GPR83: variants seen among roughly 807,000 people sequenced by gnomAD.
GPR83 encodes the protein G protein-coupled receptor 83, also known as G-protein coupled receptor 72.
Under a neutral mutation model 28.0 loss-of-function variants are expected in GPR83, and 23 were observed. That is an observed-to-expected ratio of 0.82 (90% CI 0.59 to 1.16). The LOEUF (loss-of-function observed/expected upper bound fraction) is 1.16. Ranked by LOEUF, GPR83 falls within the 50% of genes most tolerant of loss-of-function variation. GPR83 has a pLI of 0.00. For missense variants in GPR83, 610 were observed against 536.6 expected, an observed-to-expected ratio of 1.14 and a Z score of -1.35; for synonymous variants, 234 against 215.4, an observed-to-expected ratio of 1.09 and a Z score of -0.76.
At chr11:94,388,210 A>G (rs1016619816) in intron 3 of GPR83, among the ~76,000 whole-genome samples, 1 of 152,182 alleles carries the variant, frequency 6.6e-6, no homozygotes, top group African/African-American at 2.4e-5. Context: ...ACCCACAGCC[A>G]ATATCATTCT....
rs34496676 is a variant in GPR83 at position 94,400,546 on chromosome 11, C to CAAAA, written c.387+311_387+314dup. Among the ~76,000 whole-genome samples the CAAAA allele has an allele frequency of 5.2e-3, 608 of 117,202 alleles. 19 individuals carry two copies. Among genetic ancestry groups the CAAAA allele is most frequent in the African/African-American group, 0.019 (557 of 29,632 alleles). The allele number at this position is 117,202 out of a possible 152,430, so 76.9% of individuals were successfully genotyped here. Reference sequence around the variant, plus strand: ...ACAGATGAATAGGGAGGCTGAAAGACAAAAAAAAAAAAAAAGATGAGGACA... The same window carrying CAAAA: ...ACAGATGAATAGGGAGGCTGAAAGACAAAAAAAAAAAAAAAAAAAGATGAGGACA... On this transcript the variant is annotated intron_variant, in intron 1 of 3. Transcript: ENST00000243673.
chr11:94,389,296 A>C (rs1944791149), intron 3 of GPR83, among the ~76,000 whole-genome samples: 2 of 152,230 alleles, frequency 1.3e-5, no homozygotes, highest in South Asian at 4.1e-4. Flanking sequence ...ACCAAAAGCA[A>C]CGGCAACAAA....
intron 3 of GPR83, among the ~76,000 whole-genome samples, chr11:94,386,265 T>C (rs1423823304): frequency 6.6e-6 from 1 of 152,026 alleles, no homozygotes; most frequent in Admixed American, 6.6e-5. Flanking sequence ...TAAAGACCAT[T>C]GAGGCTAGGA....
At chr11:94,387,316 A>C (rs1944769583) in intron 3 of GPR83, among the ~76,000 whole-genome samples, 1 of 152,238 alleles carries the variant, frequency 6.6e-6, no homozygotes, top group Admixed American at 6.5e-5. Context: ...AAGGCAAGAA[A>C]TAACTAACAT....
At chr11:94,382,443 T>G (rs1019659470) in intron 3 of GPR83, among the ~76,000 whole-genome samples, 75 of 151,376 alleles carry the variant, frequency 5.0e-4, no homozygotes, top group African/African-American at 1.7e-3. Context: ...AGAAGGGCAT[T>G]ACATAATGGT....
At chr11:94,384,398 C>T (rs769261954) in intron 3 of GPR83, among the ~76,000 whole-genome samples, 19 of 152,176 alleles carry the variant, frequency 1.2e-4, no homozygotes, top group Non-Finnish European at 2.6e-4. Flanking sequence ...CTCCAGTCTA[C>T]AGCTCCCAGT....
intron 2 of GPR83, 100 bp downstream of exon 2, chr11:94,396,299 T>A (rs1378744945): frequency 9.0e-7 from 1 of 1,114,304 alleles, no homozygotes; most frequent in African/African-American, 1.5e-5. Context: ...AACACACTCA[T>A]TGAAAACTGG....
At position 94,380,045 on chromosome 11, in the gene GPR83, C is replaced by T; in HGVS notation, c.*104G>A. On this transcript the variant is annotated 3_prime_UTR_variant, in exon 4 of 4. Transcript: ENST00000243673. ...GAATTCAAGAGTCCTACAGCTTCTG[C>T]AGGAGTGTGTTTCCAGCACTCTGAA... 1.1e-6 allele frequency: 1 copy of T among 897,846 alleles called. No individual in the cohort carries two copies. The highest frequency in any genetic ancestry group is 1.6e-6 in the Non-Finnish European group (1 of 609,908). The allele number at this position is 897,846 out of a possible 1,614,324, so 55.6% of individuals were successfully genotyped here.
intron 3 of GPR83, among the ~76,000 whole-genome samples, chr11:94,381,243 C>G (rs1260462159): frequency 6.6e-6 from 1 of 152,066 alleles, no homozygotes; most frequent in Non-Finnish European, 1.5e-5. Context: ...ACTCATAGAA[C>G]AAGTATTTAT....
chr11:94,395,991 G>A (rs1310359595), intron 2 of GPR83, among the ~76,000 whole-genome samples: 4 of 152,174 alleles, frequency 2.6e-5, no homozygotes, highest in African/African-American at 4.8e-5. Context: ...AGGCTGAGGC[G>A]GGTGGATCAC....
intron 3 of GPR83, among the ~76,000 whole-genome samples, chr11:94,382,317 T>A (rs142242178): frequency 9.5e-4 from 112 of 118,112 alleles, no homozygotes; most frequent in African/African-American, 3.6e-3. Flanking sequence ...CACTCCAGCA[T>A]GGGCAACAAG....
intron 3 of GPR83, 41 bp from the exon 4 acceptor site, chr11:94,380,814 A>G (rs765386649): frequency 6.5e-7 from 1 of 1,544,702 alleles, no homozygotes; most frequent in Non-Finnish European, 8.7e-7. Context: ...GGTAACAGAA[A>G]GGAGATATTA....
intron 3 of GPR83, among the ~76,000 whole-genome samples, chr11:94,390,389 A>C (rs1944805536): frequency 6.6e-6 from 1 of 152,194 alleles, no homozygotes; most frequent in Non-Finnish European, 1.5e-5. Flanking sequence ...AAAAACTGGA[A>C]GCATTCCCTT....
At chr11:94,392,317 C>A (rs1427007067) in intron 3 of GPR83, among the ~76,000 whole-genome samples, 1 of 151,840 alleles carries the variant, frequency 6.6e-6, no homozygotes, top group African/African-American at 2.4e-5. Context: ...ACACTGGGTC[C>A]TGTCAGGAGG....
intron 3 of GPR83, among the ~76,000 whole-genome samples, chr11:94,384,159 T>C (rs1314688204): frequency 6.6e-6 from 1 of 152,078 alleles, no homozygotes; most frequent in Non-Finnish European, 1.5e-5. Flanking sequence ...GCTTCATCCC[T>C]GGGATGCAAG....
rs1315530462 is a variant in GPR83, at chr11:94,378,221, C to G, written c.*1928G>C. The G allele has an allele frequency of 6.6e-6, 1 of 152,134 alleles. No homozygotes were observed. Among genetic ancestry groups the G allele is most frequent in the African/African-American group, 2.4e-5 (1 of 41,420 alleles). The allele number at this position is 152,134 out of a possible 1,614,324, so 9.4% of individuals were successfully genotyped here. ...TTTCAACCATCTTCATAAATAGAAA[C>G]TAGGATAAAGAACCCTCATAGTTCA... On this transcript the variant is annotated 3_prime_UTR_variant, in exon 4 of 4. Coordinates refer to ENST00000243673, the MANE Select transcript of GPR83 (RefSeq NM_016540.4).
Position 94,393,529 on chromosome 11 carries a change from T to G in GPR83, c.603A>C (p.Ser201=), listed in dbSNP as rs1944837783. Residue 201 remains serine, a synonymous_variant, in exon 3 of 4, where the codon TCA becomes TCC. Coordinates refer to ENST00000243673, the MANE Select transcript of GPR83 (RefSeq NM_016540.4). ...AVIWTMATFF[S]LPHAICQKLF... is the part of the protein sequence containing the mutation. Reference sequence around the variant, plus strand: ...ATTTCTGGCAGATAGCATGTGGGAGTGAAAAGAACGTAGCCATGGTCCAGA... The same window carrying G: ...ATTTCTGGCAGATAGCATGTGGGAGGGAAAAGAACGTAGCCATGGTCCAGA... 2 of 1,613,724 alleles carry G rather than the reference T, an allele frequency of 1.2e-6. No individual in the cohort carries two copies. The highest frequency in any genetic ancestry group is 3.3e-5 in the Admixed American group (2 of 60,004).
intron 2 of GPR83, 73 bp from the exon 3 acceptor site, chr11:94,393,691 G>T: frequency 2.1e-6 from 3 of 1,428,264 alleles, no homozygotes; most frequent in South Asian, 2.4e-5. Flanking sequence ...TCAGGCGCAG[G>T]TGCTCACTCC....
rs947851425 is a variant in GPR83, at chr11:94,378,434, G to T, written c.*1715C>A. The T allele has an allele frequency of 1.3e-5, 2 of 152,178 alleles. No individual in the cohort carries two copies. The highest frequency in any genetic ancestry group is 4.8e-5 in the African/African-American group (2 of 41,436). The allele number at this position is 152,178 out of a possible 1,614,324, so 9.4% of individuals were successfully genotyped here. On this transcript the variant is annotated 3_prime_UTR_variant, in exon 4 of 4. Coordinates refer to ENST00000243673, the MANE Select transcript of GPR83 (RefSeq NM_016540.4). The stretch of plus-strand genomic sequence containing the variant: ...TGTCAGTAACAATTGTTTAGAGCAG[G>T]TGAATTAAGCTCGATTCTGCCTGAC...
Sources: gnomAD v4.1 joint callset for allele counts (sites outside exome capture counted in the v4.1 genomes callset) on GRCh38, gnomAD v4.1.1 for gene constraint, MANE v1.5 for transcripts, NCBI Gene and HGNC (gene_info 2026-07-23, HGNC 2026-07-21) for gene names.